The following FHOD3 variants were observed in gnomAD, a reference collection of about 807,000 sequenced individuals.
FHOD3 encodes formin homology 2 domain containing 3.
FHOD3 carries 90 observed loss-of-function variants against 173.0 expected under a neutral mutation model. That is an observed-to-expected ratio of 0.52 (90% CI 0.44 to 0.62). The LOEUF (loss-of-function observed/expected upper bound fraction) is 0.62, where lower values mean the gene tolerates loss of function less well. FHOD3 is among the 20% of genes least tolerant of loss of function. FHOD3 has a pLI of 0.00. For synonymous variants in FHOD3, 828 were observed against 823.0 expected, an observed-to-expected ratio of 1.01 and a Z score of -0.10; for missense variants, 1,945 against 2,034.7, an observed-to-expected ratio of 0.96 and a Z score of 0.85.
At chr18:36,738,912 G>A (rs1358549317) in intron 20 of FHOD3, among the ~76,000 whole-genome samples, 3 of 152,152 alleles carry the variant, frequency 2.0e-5, no homozygotes, top group Non-Finnish European at 4.4e-5. Context: ...TAGTTCTTCT[G>A]CTTTACCGTG....
At chr18:36,539,341 G>A (rs1421886682) in intron 5 of FHOD3, among the ~76,000 whole-genome samples, 1 of 152,212 alleles carries the variant, frequency 6.6e-6, no homozygotes, top group East Asian at 1.9e-4. Context: ...GGCATGCTGT[G>A]ACTTTAACTA....
intron 4 of FHOD3, among the ~76,000 whole-genome samples, chr18:36,509,200 A>G (rs1483166404): frequency 6.6e-6 from 1 of 152,224 alleles, no homozygotes; most frequent in African/African-American, 2.4e-5. Context: ...TTCAAGAGTC[A>G]TATCAACTAA....
At chr18:36,739,333 C>T (rs992725383) in intron 20 of FHOD3, among the ~76,000 whole-genome samples, 1 of 152,196 alleles carries the variant, frequency 6.6e-6, no homozygotes, top group African/African-American at 2.4e-5. Flanking sequence ...TCTGGGCACA[C>T]TGCCTAGGAG....
intron 3 of FHOD3, among the ~76,000 whole-genome samples, chr18:36,420,820 T>G (rs752156407): frequency 6.6e-6 from 1 of 152,230 alleles, no homozygotes; most frequent in Non-Finnish European, 1.5e-5. Context: ...GGGGACTGTC[T>G]GGTGGCAGTG....
chr18:36,577,488 A>G (rs976672761), intron 6 of FHOD3, among the ~76,000 whole-genome samples: 5 of 152,110 alleles, frequency 3.3e-5, no homozygotes, highest in African/African-American at 1.2e-4. Flanking sequence ...TTTAATAGAG[A>G]CAAAGTTTCA....
Position 36,702,470 on chromosome 18 carries a change from T to G in FHOD3, c.2237-6625T>G, listed in dbSNP as rs543490844. Among the ~76,000 whole-genome samples, 18 of 152,330 alleles carry G rather than the reference T, an allele frequency of 1.2e-4. 1 individual carries two copies. The East Asian group carries it at 2.3e-3, about 20-fold the overall frequency. On this transcript the variant is annotated intron_variant, in intron 17 of 28. Transcript: ENST00000590592. ...GGGACCTTTTTCAGATTTCTGTGAT[T>G]AAAACACACGTCTGTAGTCAATCGT...
At chr18:36,706,616 AT>A (rs2039893911) in intron 17 of FHOD3, among the ~76,000 whole-genome samples, 1 of 152,226 alleles carries the variant, frequency 6.6e-6, no homozygotes, top group Admixed American at 6.5e-5. Context: ...GGAATGGAAC[AT>A]GGCAGTGCAC....
In FHOD3 at chr18:36,682,055, T is replaced by G. The variant is rs146740284; in HGVS notation, c.1970+485T>G. Among the ~76,000 whole-genome samples the G allele has an allele frequency of 2.9e-4, 44 of 152,338 alleles. No homozygotes were observed. The East Asian group carries it at 7.1e-3, about 25-fold the overall frequency. ...GGGGAAAAGTCATTGTGTTGATTAC[T>G]CTCAGCCCATTTCCCCCGATCTCCT... On this transcript the variant is annotated intron_variant, in intron 15 of 28. Transcript: ENST00000590592.
chr18:36,388,130 TG>T (rs2146405903), intron 3 of FHOD3, among the ~76,000 whole-genome samples: 1 of 152,238 alleles, frequency 6.6e-6, no homozygotes, highest in South Asian at 2.1e-4. Context: ...CTTTTTGGTG[TG>T]GTTTTTCTCC....
At chr18:36,665,010 T>C (rs1450484306) in intron 14 of FHOD3, among the ~76,000 whole-genome samples, 1 of 152,234 alleles carries the variant, frequency 6.6e-6, no homozygotes, top group East Asian at 1.9e-4. Flanking sequence ...GGAGGATCAC[T>C]TGAGCCCAGG....
At chr18:36,428,781 A>G (rs2050385047) in intron 3 of FHOD3, among the ~76,000 whole-genome samples, 1 of 152,114 alleles carries the variant, frequency 6.6e-6, no homozygotes, top group Non-Finnish European at 1.5e-5. Context: ...ACTTCAGGAT[A>G]TTTCTTCAGA....
intron 5 of FHOD3, among the ~76,000 whole-genome samples, chr18:36,533,934 A>G (rs2056887562): frequency 2.0e-5 from 3 of 152,128 alleles, no homozygotes; most frequent in Admixed American, 2.0e-4. Flanking sequence ...GGCAGTGTGA[A>G]GGCCATCTGG....
At chr18:36,550,181 G>A (rs567979262) in intron 5 of FHOD3, among the ~76,000 whole-genome samples, 201 of 148,862 alleles carry the variant, frequency 1.4e-3, no homozygotes, top group African/African-American at 4.8e-3. Context: ...CTTTGTGTGT[G>A]TGTTTGTATA....
intron 5 of FHOD3, chr18:36,544,590 GT>G (rs1417063304): frequency 3.3e-5 from 5 of 152,344 alleles, no homozygotes. Flanking sequence ...CCAAAGTTTT[GT>G]TGAGGTGGAG....
chr18:36,572,892 G>A (rs1449232944), intron 5 of FHOD3, among the ~76,000 whole-genome samples: 1 of 152,170 alleles, frequency 6.6e-6, no homozygotes, highest in Admixed American at 6.6e-5. Context: ...TTCAGCAGCG[G>A]GACTCAGAAT....
At chr18:36,357,336 T>C (rs1042637786) in intron 2 of FHOD3, among the ~76,000 whole-genome samples, 1 of 152,226 alleles carries the variant, frequency 6.6e-6, no homozygotes, top group Non-Finnish European at 1.5e-5. Context: ...TGTCTGAATG[T>C]CCAGGATTTG....
chr18:36,496,585 AG>A (rs752272743), intron 3 of FHOD3, among the ~76,000 whole-genome samples: 22 of 152,192 alleles, frequency 1.4e-4, no homozygotes, highest in Non-Finnish European at 2.9e-4. Context: ...TTTAAACCAC[AG>A]TATTGTTCTT....
chr18:36,381,960 G>T (rs1275804479), intron 3 of FHOD3, among the ~76,000 whole-genome samples: 2 of 152,210 alleles, frequency 1.3e-5, no homozygotes, highest in African/African-American at 4.8e-5. Flanking sequence ...TGTCAAGGAA[G>T]GCTCTGGGAG....
intron 3 of FHOD3, among the ~76,000 whole-genome samples, chr18:36,450,971 C>T (rs1259732686): frequency 6.6e-6 from 1 of 152,318 alleles, no homozygotes; most frequent in African/African-American, 2.4e-5. Flanking sequence ...TGAGGTCTTA[C>T]ATCAGAATAA....
Sources: allele counts gnomAD v4.1 joint callset (sites outside exome capture counted in the v4.1 genomes callset), GRCh38; gene constraint gnomAD v4.1.1; transcripts MANE v1.5; gene names NCBI Gene and HGNC (gene_info 2026-07-23, HGNC 2026-07-21).